The following BRINP3 variants were observed in gnomAD, a reference collection of about 807,000 sequenced individuals.
BRINP3 encodes BMP/retinoic acid-inducible neural-specific protein 3.
In BRINP3, 19 loss-of-function variants were observed where a neutral mutation model predicts 71.0. That is an observed-to-expected ratio of 0.27 (90% confidence interval 0.19 to 0.39). The LOEUF is 0.39. Among genes scored for constraint, BRINP3 ranks in the 10% least tolerant of loss-of-function variants. The probability of loss-of-function intolerance (pLI) is 1.00; values close to 1 mark genes in which losing one functional copy is unlikely to be tolerated. For synonymous variants in BRINP3, 380 were observed against 337.7 expected (o/e 1.13, Z -1.37); for missense variants, 959 against 940.8 (o/e 1.02, Z -0.25).
intron 7 of BRINP3, among the ~76,000 whole-genome samples, chr1:190,108,791 TATC>T (rs1652416836): frequency 6.6e-6 from 1 of 151,688 alleles, no homozygotes; most frequent in South Asian, 2.1e-4. Context: ...CTAACCAAAA[TATC>T]ATCTGATTGG....
intron 6 of BRINP3, among the ~76,000 whole-genome samples, chr1:190,177,147 C>CTT (rs1558037415): frequency 2.3e-5 from 3 of 129,868 alleles, no homozygotes; most frequent in Admixed American, 7.8e-5. Flanking sequence ...GAAGCACCCA[C>CTT]TTCTTTTTTT....
intron 1 of BRINP3, among the ~76,000 whole-genome samples, chr1:190,457,072 T>G (rs1676041775): frequency 6.6e-6 from 1 of 152,070 alleles, no homozygotes; most frequent in Non-Finnish European, 1.5e-5. Context: ...TATAGCAAAT[T>G]AGGATATATA....
At position 190,352,490 on chromosome 1, in the gene BRINP3, C is replaced by G. The variant is rs192797218; in HGVS notation, c.237-70740G>C. Among the ~76,000 whole-genome samples the G allele has an allele frequency of 2.6e-4, 40 of 151,998 alleles. No individual in the cohort carries two copies. In the East Asian group the frequency reaches 4.9e-3, roughly 18 times the overall value. ...TCTATCCTGCTAAGAAAATAGGAAT[C>G]TAGGTATTATCTATCATGAGAATAT... On this transcript the variant is annotated intron_variant, in intron 2 of 7. Coordinates refer to ENST00000367462, the MANE Select transcript of BRINP3 (RefSeq NM_199051.3).
intron 6 of BRINP3, among the ~76,000 whole-genome samples, chr1:190,191,640 T>C (rs1042488974): frequency 6.6e-6 from 1 of 152,156 alleles, no homozygotes; most frequent in Admixed American, 6.5e-5. Flanking sequence ...CACATTTTTT[T>C]TTATCCAGTC....
At chr1:190,360,122 C>T (rs1669039265) in intron 2 of BRINP3, among the ~76,000 whole-genome samples, 1 of 152,130 alleles carries the variant, frequency 6.6e-6, no homozygotes, top group African/African-American at 2.4e-5. Context: ...CCTCACTCTA[C>T]TATTCAGATT....
chr1:190,331,997 A>G (rs1666996157), intron 2 of BRINP3, among the ~76,000 whole-genome samples: 1 of 152,000 alleles, frequency 6.6e-6, no homozygotes, highest in South Asian at 2.1e-4. Context: ...TATAATTATT[A>G]ATACATTTTA....
intron 7 of BRINP3, among the ~76,000 whole-genome samples, chr1:190,133,240 C>CTA (rs1654690018): frequency 6.6e-6 from 1 of 152,096 alleles, no homozygotes; most frequent in Admixed American, 6.6e-5. Flanking sequence ...ACTTGTAACA[C>CTA]TGCATCTATG....
chr1:190,335,483 T>G (rs1018709518), intron 2 of BRINP3, among the ~76,000 whole-genome samples: 1 of 151,886 alleles, frequency 6.6e-6, no homozygotes, highest in Non-Finnish European at 1.5e-5. Flanking sequence ...AATGTTTACA[T>G]AATTGAAAAG....
intron 2 of BRINP3, among the ~76,000 whole-genome samples, chr1:190,346,780 A>G (rs1668051323): frequency 6.6e-6 from 1 of 152,132 alleles, no homozygotes; most frequent in African/African-American, 2.4e-5. Context: ...GTATACTTAC[A>G]TCTTCTTAGT....
At chr1:190,340,115 T>A (rs1342657222) in intron 2 of BRINP3, among the ~76,000 whole-genome samples, 6 of 151,854 alleles carry the variant, frequency 4.0e-5, no homozygotes, top group Non-Finnish European at 5.9e-5. Flanking sequence ...CTATACAATG[T>A]GGGGAAATCA....
At chr1:190,260,201 A>G (rs1661062807) in intron 4 of BRINP3, among the ~76,000 whole-genome samples, 1 of 152,080 alleles carries the variant, frequency 6.6e-6, no homozygotes, top group African/African-American at 2.4e-5. Flanking sequence ...GTTATATAAG[A>G]TGAATAAATG....
At chr1:190,261,595 A>C (rs1661191682) in intron 4 of BRINP3, among the ~76,000 whole-genome samples, 1 of 152,062 alleles carries the variant, frequency 6.6e-6, no homozygotes. Flanking sequence ...TTGTAGATCT[A>C]ATTATATTTT....
chr1:190,422,544 A>G (rs1345245025), intron 2 of BRINP3, among the ~76,000 whole-genome samples: 2 of 151,934 alleles, frequency 1.3e-5, no homozygotes, highest in East Asian at 3.9e-4. Context: ...AATTCATCAG[A>G]AATGTTCCCT....
At chr1:190,452,251 C>G (rs1675660559) in intron 2 of BRINP3, among the ~76,000 whole-genome samples, 1 of 152,166 alleles carries the variant, frequency 6.6e-6, no homozygotes, top group Non-Finnish European at 1.5e-5. Flanking sequence ...ATAAATTATA[C>G]TGTTCATTTT....
chr1:190,405,450 C>CAAAAAAAAAAAAAAAAA (rs1334402738), intron 2 of BRINP3, among the ~76,000 whole-genome samples: 1 of 39,148 alleles, frequency 2.6e-5, no homozygotes, highest in African/African-American at 1.4e-4. Context: ...GACTCCGTCT[C>CAAAAAAAAAAAAAAAAA]AAAAAAAAAA....
At chr1:190,362,320 GACATAGCAT>G (rs1669202023) in intron 2 of BRINP3, 1 of 152,140 alleles carries the variant, frequency 6.6e-6, no homozygotes, top group African/African-American at 2.4e-5. Context: ...GGGACCTACA[GACATAGCAT>G]ACTCTAACAG....
chr1:190,329,484 T>A (rs1273008896), intron 2 of BRINP3, among the ~76,000 whole-genome samples: 4 of 150,400 alleles, frequency 2.7e-5, no homozygotes, highest in Admixed American at 6.6e-5. Flanking sequence ...ACAAAAGAGG[T>A]GAAAGACCTC....
At chr1:190,428,531 G>T (rs1383174297) in intron 2 of BRINP3, among the ~76,000 whole-genome samples, 2 of 151,596 alleles carry the variant, frequency 1.3e-5, no homozygotes, top group Non-Finnish European at 2.9e-5. Context: ...TTTCTATCTT[G>T]TTTGTGTTCA....
chr1:190,465,624 T>C (rs1676692496), intron 1 of BRINP3, among the ~76,000 whole-genome samples: 2 of 151,814 alleles, frequency 1.3e-5, no homozygotes, highest in South Asian at 4.1e-4. Flanking sequence ...CCCTAATGTT[T>C]TCTCTTAGTA....
Sources: gnomAD v4.1 joint callset for allele counts (sites outside exome capture counted in the v4.1 genomes callset) on GRCh38, gnomAD v4.1.1 for gene constraint, MANE v1.5 for transcripts, NCBI Gene and HGNC (gene_info 2026-07-23, HGNC 2026-07-21) for gene names.